GOT1: variants seen among roughly 807,000 people sequenced by gnomAD.
The protein encoded by GOT1 is glutamic-oxaloacetic transaminase 1, also known as aspartate aminotransferase, cytoplasmic.
GOT1 carries 25 observed loss-of-function variants against 48.2 expected under a neutral mutation model. The ratio of observed to expected loss-of-function variants is 0.52; its 90% CI spans 0.38 to 0.72. GOT1 has a LOEUF of 0.72. Among genes scored for constraint, GOT1 ranks in the 30% least tolerant of loss-of-function variants. The pLI is 0.00. For synonymous variants in GOT1, 188 were observed against 193.8 expected, an observed-to-expected ratio of 0.97 and a Z score of 0.25; for missense variants, 380 against 520.1, an observed-to-expected ratio of 0.73 and a Z score of 2.62.
Position 99,403,737 on chromosome 10 carries a change from G to T in GOT1, c.780C>A (p.Asn260Lys). ...EFFCAQSFSK[N>K]FGLYNERVGN... The stretch of plus-strand genomic sequence containing the variant: ...GAGAGCACTCACTGTAGAGCCCGAA[G>T]TTCTTGGAGAAGGACTGGGCACAGA... Residue 260 changes from asparagine to lysine, a missense_variant, in exon 6 of 9, where the codon AAC becomes AAA. By Grantham distance (94) the Asn-to-Lys change is moderately conservative. Coordinates refer to ENST00000370508, the MANE Select transcript of GOT1 (RefSeq NM_002079.3). The T allele has an allele frequency of 6.2e-7, 1 of 1,614,220 alleles. No homozygotes were observed. The highest frequency in any genetic ancestry group is 8.5e-7 in the Non-Finnish European group (1 of 1,180,044).
chr10:99,416,483 G>C (rs948795659), intron 2 of GOT1, among the ~76,000 whole-genome samples: 1 of 152,204 alleles, frequency 6.6e-6, no homozygotes, highest in Non-Finnish European at 1.5e-5. Flanking sequence ...CTCACGGATA[G>C]GAAGAATCAA....
chr10:99,420,280 C>G (rs1377213843), intron 2 of GOT1: 1 of 215,866 alleles, frequency 4.6e-6, no homozygotes, highest in East Asian at 1.2e-4. Context: ...GCCCAGAGGG[C>G]TAAATGACTT....
At chr10:99,427,324 A>G (rs1052315332) in intron 1 of GOT1, among the ~76,000 whole-genome samples, 13 of 152,124 alleles carry the variant, frequency 8.5e-5, no homozygotes, top group Middle Eastern at 3.2e-3. Context: ...GCTGGAGTGC[A>G]GTGGCGCGAT....
intron 1 of GOT1, among the ~76,000 whole-genome samples, 160 bp from the exon 2 acceptor site, chr10:99,420,965 A>T (rs1283857703): frequency 1.3e-5 from 2 of 152,172 alleles, no homozygotes; most frequent in Admixed American, 6.5e-5. Flanking sequence ...ACCTAATTTG[A>T]GCCAAGCATT....
intron 2 of GOT1, among the ~76,000 whole-genome samples, chr10:99,411,689 CTG>C (rs769485370): frequency 2.0e-5 from 3 of 152,192 alleles, no homozygotes; most frequent in Non-Finnish European, 4.4e-5. Flanking sequence ...CTCCCCGAAA[CTG>C]AATGCAAGGG....
chr10:99,417,777 T>C (rs928451551), intron 2 of GOT1, among the ~76,000 whole-genome samples: 1 of 152,104 alleles, frequency 6.6e-6, no homozygotes, highest in Admixed American at 6.6e-5. Context: ...CTGGAAACCA[T>C]CATTCTCAGC....
intron 1 of GOT1, among the ~76,000 whole-genome samples, chr10:99,423,430 T>A (rs941007316): frequency 6.6e-6 from 1 of 152,212 alleles, no homozygotes; most frequent in Non-Finnish European, 1.5e-5. Context: ...GGATATACAG[T>A]AAAAAGACTT....
At chr10:99,411,154 G>A (rs949123249) in intron 2 of GOT1, among the ~76,000 whole-genome samples, 1 of 152,228 alleles carries the variant, frequency 6.6e-6, no homozygotes, top group African/African-American at 2.4e-5. Context: ...GAAAAGATCT[G>A]AGCCACAGCA....
At chr10:99,404,843 T>C (rs969066426) in intron 5 of GOT1, among the ~76,000 whole-genome samples, 2 of 152,142 alleles carry the variant, frequency 1.3e-5, no homozygotes, top group African/African-American at 4.8e-5. Flanking sequence ...TGCCTGGGGC[T>C]TCTGACCATG....
At chr10:99,426,414 AG>A (rs2033038312) in intron 1 of GOT1, among the ~76,000 whole-genome samples, 2 of 152,226 alleles carry the variant, frequency 1.3e-5, no homozygotes. Flanking sequence ...AGAGCCTATT[AG>A]GATACTGGGG....
At position 99,397,836 on chromosome 10, in the gene GOT1, C is replaced by G; in HGVS notation, c.1103-150G>C. On this transcript the variant is annotated intron_variant, in intron 8 of 8. Transcript: ENST00000370508. The surrounding 1 kb of genome is among the most constrained non-coding windows in gnomAD (Gnocchi z 5.4). ...GGCGCTATTTTGTCCAACTGACAAA[C>G]AGAAAAATATGCTCACTAGATTCTG... The G allele has an allele frequency of 1.4e-6, 1 of 695,674 alleles. No individual in the cohort carries two copies. The highest frequency in any genetic ancestry group is 2.4e-6 in the Non-Finnish European group (1 of 418,514). The allele number at this position is 695,674 out of a possible 1,614,324, so 43.1% of individuals were successfully genotyped here.
chr10:99,407,012 A>G (rs1010201663), intron 2 of GOT1, among the ~76,000 whole-genome samples, 163 bp from the exon 3 acceptor site: 1 of 152,232 alleles, frequency 6.6e-6, no homozygotes, highest in Admixed American at 6.5e-5. Context: ...AAAAGGTACT[A>G]TGATTTGCCC....
intron 2 of GOT1, among the ~76,000 whole-genome samples, chr10:99,412,213 T>A (rs558338406): frequency 6.6e-6 from 1 of 151,560 alleles, no homozygotes; most frequent in East Asian, 2.0e-4. Flanking sequence ...GGACCTCTAG[T>A]GGAGTGAGGG....
chr10:99,411,936 G>A (rs2032832642), intron 2 of GOT1, among the ~76,000 whole-genome samples: 1 of 152,214 alleles, frequency 6.6e-6, no homozygotes, highest in Admixed American at 6.5e-5. Context: ...ATCCATTATA[G>A]TAAGAACAGT....
intron 8 of GOT1, among the ~76,000 whole-genome samples, chr10:99,402,019 A>G (rs2032685918): frequency 6.6e-6 from 1 of 152,034 alleles, no homozygotes; most frequent in Admixed American, 6.6e-5. Flanking sequence ...CATGTTAGCC[A>G]GGATGGTCTT....
At position 99,403,942 on chromosome 10, in the gene GOT1, T is replaced by C. The variant is rs554867329; in HGVS notation, c.643-68A>G. 784 of 1,494,530 alleles carry C rather than the reference T, an allele frequency of 5.2e-4. 8 individuals carry two copies. The South Asian group carries it at 8.0e-3, about 15-fold the overall frequency. 92.6% of individuals were successfully genotyped at this position (1,494,530 alleles called of 1,614,324 possible). A position where few individuals can be genotyped will look rare whatever the true frequency, so the allele number is the denominator to read the frequency against. ...CACCAACCTCAGACACCGGCCTTCC[T>C]TCCCCAGCTGATGCCTGGAGGGAAT... On this transcript the variant is annotated intron_variant, in intron 5 of 8. Coordinates refer to ENST00000370508, the MANE Select transcript of GOT1 (RefSeq NM_002079.3).
chr10:99,404,808 C>T (rs534091718), intron 5 of GOT1, among the ~76,000 whole-genome samples: 2 of 152,298 alleles, frequency 1.3e-5, no homozygotes, highest in South Asian at 2.1e-4. Context: ...ACTCTAGCCT[C>T]ATCACTCACA....
chr10:99,414,855 G>A lies in GOT1; in HGVS notation c.300+5769C>T, dbSNP rs545056849. Reference sequence around the variant, plus strand: ...CCTGAATGACTACTGGGTACATAACGAAATGAAGGCAGACATAAAGGTGTT... The same window carrying A: ...CCTGAATGACTACTGGGTACATAACAAAATGAAGGCAGACATAAAGGTGTT... On this transcript the variant is annotated intron_variant, in intron 2 of 8. Coordinates refer to ENST00000370508, the MANE Select transcript of GOT1 (RefSeq NM_002079.3). Among the ~76,000 whole-genome samples the A allele has an allele frequency of 2.1e-4, 32 of 151,796 alleles. 1 individual carries two copies. The highest frequency in any genetic ancestry group is 3.4e-3 in the Middle Eastern group (1 of 294).
intron 1 of GOT1, among the ~76,000 whole-genome samples, chr10:99,429,309 A>G (rs1024796103): frequency 1.9e-4 from 28 of 151,224 alleles, no homozygotes; most frequent in African/African-American, 6.6e-4. Flanking sequence ...CAGCCTCCCA[A>G]AGTGCTGGGA....
Sources: gnomAD v4.1 joint callset for allele counts (sites outside exome capture counted in the v4.1 genomes callset) on GRCh38, gnomAD v4.1.1 for gene constraint, Gnocchi (gnomAD v3.1) non-coding constraint, MANE v1.5 for transcripts, NCBI Gene and HGNC (gene_info 2026-07-23, HGNC 2026-07-21) for gene names.